Variants in CADPS2 observed in about 807,000 individuals in gnomAD.
The protein encoded by CADPS2 is calcium dependent secretion activator 2, also known as calcium-dependent secretion activator 2.
Under a neutral mutation model 172.5 loss-of-function variants are expected in CADPS2, and 93 were observed. The ratio of observed to expected loss-of-function variants is 0.54; its 90% confidence interval spans 0.46 to 0.64. The LOEUF is 0.64. Among genes scored for constraint, CADPS2 ranks in the 30% least tolerant of loss-of-function variants. The pLI is 0.00. For synonymous variants in CADPS2, 546 were observed against 555.2 expected, an observed-to-expected ratio of 0.98 and a Z score of 0.23; for missense variants, 1,420 against 1,565.9, an observed-to-expected ratio of 0.91 and a Z score of 1.57.
At chr7:122,801,491 G>C (rs930411853) in intron 1 of CADPS2, among the ~76,000 whole-genome samples, 6 of 152,110 alleles carry the variant, frequency 3.9e-5, no homozygotes, top group African/African-American at 1.4e-4. Context: ...AGTATTCAAG[G>C]TCCTTCATTT....
intron 7 of CADPS2, among the ~76,000 whole-genome samples, chr7:122,564,821 ACACAGACACACACATACACACACATG>A (rs1396568914): frequency 3.0e-4 from 41 of 137,354 alleles, no homozygotes; most frequent in Admixed American, 5.6e-4. Context: ...ATATGTGTGT[ACACAGACACACACATACACACACATG>A]CACACACACA....
chr7:122,762,664 A>C (rs971189373), intron 1 of CADPS2, among the ~76,000 whole-genome samples: 2 of 152,184 alleles, frequency 1.3e-5, no homozygotes, highest in African/African-American at 2.4e-5. Flanking sequence ...AGGATAATAA[A>C]GTCATAAAAC....
intron 12 of CADPS2, among the ~76,000 whole-genome samples, chr7:122,479,969 C>T (rs2057097628): frequency 6.6e-6 from 1 of 152,132 alleles, no homozygotes; most frequent in Non-Finnish European, 1.5e-5. Context: ...ATGTGACACA[C>T]ACATTGTATT....
At chr7:122,438,598 G>T (rs2050960046) in intron 16 of CADPS2, 134 bp from the exon 17 acceptor site, 1 of 1,031,108 alleles carries the variant, frequency 9.7e-7, no homozygotes, top group East Asian at 2.7e-5. Context: ...TATTATTAGG[G>T]AGAGGGGTCC....
At chr7:122,600,055 A>G (rs747513516) in intron 6 of CADPS2, among the ~76,000 whole-genome samples, 38 of 152,132 alleles carry the variant, frequency 2.5e-4, no homozygotes, top group African/African-American at 6.8e-4. Context: ...ATTTTGATCA[A>G]CTTAAAGGAA....
chr7:122,573,701 G>C (rs960270023), intron 7 of CADPS2, among the ~76,000 whole-genome samples: 7 of 152,050 alleles, frequency 4.6e-5, no homozygotes, highest in African/African-American at 1.7e-4. Context: ...ATAGTTACCA[G>C]GAATATATTA....
intron 1 of CADPS2, among the ~76,000 whole-genome samples, chr7:122,748,046 A>G (rs2092792518): frequency 6.6e-6 from 1 of 152,178 alleles, no homozygotes; most frequent in Non-Finnish European, 1.5e-5. Flanking sequence ...CCAACCTTCA[A>G]TATATCCCAC....
intron 28 of CADPS2, among the ~76,000 whole-genome samples, chr7:122,344,513 G>C (rs2037269048): frequency 6.6e-6 from 1 of 152,114 alleles, no homozygotes; most frequent in Non-Finnish European, 1.5e-5. Flanking sequence ...GCATTGTCAT[G>C]CCTAAATGAA....
chr7:122,839,243 TG>T (rs1584815658), intron 1 of CADPS2, among the ~76,000 whole-genome samples: 1 of 152,326 alleles, frequency 6.6e-6, no homozygotes, highest in East Asian at 1.9e-4. Flanking sequence ...CAGCTGAAAC[TG>T]GATCCCTTCC....
At chr7:122,647,707 A>G (rs982677988) in intron 3 of CADPS2, among the ~76,000 whole-genome samples, 3 of 152,220 alleles carry the variant, frequency 2.0e-5, no homozygotes, top group Admixed American at 2.0e-4. Context: ...TTTTGTGAGT[A>G]TACATAAACA....
chr7:122,778,680 G>A (rs1047352216), intron 1 of CADPS2, among the ~76,000 whole-genome samples: 2 of 152,236 alleles, frequency 1.3e-5, no homozygotes, highest in African/African-American at 2.4e-5. Context: ...GTGGCCTCAC[G>A]GGGTGCAAGC....
chr7:122,503,035 T>C (rs1338107400), intron 9 of CADPS2, among the ~76,000 whole-genome samples: 1 of 149,950 alleles, frequency 6.7e-6, no homozygotes, highest in Non-Finnish European at 1.5e-5. Context: ...AAAAACTTTT[T>C]TTTTTTTTTT....
Position 122,856,612 on chromosome 7 carries a change from C to T in CADPS2, c.339+29387G>A, listed in dbSNP as rs551594761. On this transcript the variant is annotated intron_variant, in intron 1 of 29. Transcript: ENST00000449022. ...GGCTCCCAGCTTGCTTCACAAGAGCCCTCACAATACTGGGGCCAGCAATGG... is the reference window on the plus strand; with the variant it reads ...GGCTCCCAGCTTGCTTCACAAGAGCTCTCACAATACTGGGGCCAGCAATGG... Among the ~76,000 whole-genome samples the T allele has an allele frequency of 4.6e-5, 7 of 152,138 alleles. No homozygotes were observed. In the South Asian group the frequency reaches 1.5e-3, roughly 32 times the overall value.
intron 3 of CADPS2, among the ~76,000 whole-genome samples, chr7:122,637,193 T>TCCC (rs1279203595): frequency 9.4e-6 from 1 of 106,442 alleles, no homozygotes; most frequent in Non-Finnish European, 1.9e-5. Context: ...TTTTTTTTTT[T>TCCC]TTTTTTTTTT....
At chr7:122,499,773 C>A (rs545339834) in intron 9 of CADPS2, among the ~76,000 whole-genome samples, 2 of 152,058 alleles carry the variant, frequency 1.3e-5, no homozygotes, top group African/African-American at 4.8e-5. Context: ...TATTCAACAC[C>A]AGGGGACCTC....
At chr7:122,597,178 T>C (rs2071946238) in intron 6 of CADPS2, among the ~76,000 whole-genome samples, 1 of 152,128 alleles carries the variant, frequency 6.6e-6, no homozygotes, top group East Asian at 1.9e-4. Flanking sequence ...TACATGAGGC[T>C]TGGGGGGTCA....
chr7:122,437,862 G>C (rs965325467), intron 17 of CADPS2, among the ~76,000 whole-genome samples: 4 of 150,712 alleles, frequency 2.7e-5, no homozygotes, highest in African/African-American at 7.3e-5. Flanking sequence ...AAATGCATCA[G>C]TACATTGCAA....
At chr7:122,359,205 A>C (rs1407979005) in intron 27 of CADPS2, among the ~76,000 whole-genome samples, 3 of 152,102 alleles carry the variant, frequency 2.0e-5, no homozygotes, top group Admixed American at 6.5e-5. Flanking sequence ...GAGGCATGAA[A>C]ATTGTCATTA....
chr7:122,694,395 T>C (rs1441449979), intron 2 of CADPS2, among the ~76,000 whole-genome samples: 1 of 152,192 alleles, frequency 6.6e-6, no homozygotes, highest in Non-Finnish European at 1.5e-5. Context: ...GCAACAACAG[T>C]GTGTTGCTAA....
Sources: allele counts gnomAD v4.1 joint callset (sites outside exome capture counted in the v4.1 genomes callset), GRCh38; gene constraint gnomAD v4.1.1; transcripts MANE v1.5; gene names NCBI Gene and HGNC (gene_info 2026-07-23, HGNC 2026-07-21).